ELF2: variants seen among roughly 807,000 people sequenced by gnomAD.
ELF2 encodes the protein E74 like ETS transcription factor 2.
Under a neutral mutation model 54.8 loss-of-function variants are expected in ELF2, and 11 were observed. That is an observed-to-expected ratio of 0.20 (90% confidence interval 0.13 to 0.33). The LOEUF is 0.33. Ranked by LOEUF, ELF2 falls within the 10% of genes least tolerant of loss-of-function variation. The pLI, the probability that ELF2 is intolerant of heterozygous loss-of-function variation, is 1.00. For missense variants in ELF2, 513 were observed against 703.0 expected (o/e 0.73, Z 3.06); for synonymous variants, 203 against 245.1 (o/e 0.83, Z 1.61).
intron 4 of ELF2, among the ~76,000 whole-genome samples, chr4:139,081,212 G>A (rs1731066741): frequency 6.6e-6 from 1 of 152,038 alleles, no homozygotes; most frequent in Non-Finnish European, 1.5e-5. Flanking sequence ...AACATACTTT[G>A]TAAAATGACA....
At chr4:139,171,378 CCATT>C (rs1434116784) in intron 1 of ELF2, among the ~76,000 whole-genome samples, 1 of 151,648 alleles carries the variant, frequency 6.6e-6, no homozygotes. Context: ...TCCAGCCAGC[CCATT>C]TATGCCAAGT....
Position 139,062,505 on chromosome 4 carries a change from T to C in ELF2, c.614-448A>G, listed in dbSNP as rs10006722. Among the ~76,000 whole-genome samples, 481 of 152,342 alleles carry C rather than the reference T, an allele frequency of 3.2e-3. 2 individuals are homozygous for C. Among genetic ancestry groups the C allele is most frequent in the African/African-American group, 0.011 (472 of 41,582 alleles). ...TTTTAAAAAAATGGTATCCCCTATG[T>C]ATGCTTACAGTTATGATGCTAAAAT... On this transcript the variant is annotated intron_variant, in intron 7 of 9. Coordinates refer to ENST00000686138, the MANE Select transcript of ELF2 (RefSeq NM_001331036.3).
intron 4 of ELF2, chr4:139,084,348 C>G (rs969179058): frequency 1.3e-6 from 2 of 1,516,082 alleles, no homozygotes; most frequent in Non-Finnish European, 1.8e-6. Context: ...CTTGCGCGTC[C>G]TCCGACAGGA....
intron 1 of ELF2, among the ~76,000 whole-genome samples, chr4:139,149,232 G>A (rs1187834700): frequency 6.6e-6 from 1 of 152,158 alleles, no homozygotes; most frequent in Non-Finnish European, 1.5e-5. Flanking sequence ...GAAAAAAGAG[G>A]GTTTGCTAAG....
intron 7 of ELF2, among the ~76,000 whole-genome samples, chr4:139,063,249 C>A (rs1420614709): frequency 6.6e-6 from 1 of 152,018 alleles, no homozygotes; most frequent in Non-Finnish European, 1.5e-5. Flanking sequence ...CAGAGTGAAA[C>A]CCTGTCACAG....
intron 4 of ELF2, among the ~76,000 whole-genome samples, chr4:139,091,095 G>A (rs1030829455): frequency 6.6e-5 from 10 of 151,946 alleles, no homozygotes; most frequent in South Asian, 2.1e-4. Context: ...CACCATGCCC[G>A]GCTAATTTTT....
At chr4:139,091,445 T>C (rs1234562845) in intron 4 of ELF2, among the ~76,000 whole-genome samples, 1 of 151,876 alleles carries the variant, frequency 6.6e-6, no homozygotes, top group Non-Finnish European at 1.5e-5. Context: ...CTAAAGAAAC[T>C]AGAAGGAATA....
chr4:139,098,054 A>C (rs1253939245), intron 4 of ELF2, among the ~76,000 whole-genome samples: 2 of 152,240 alleles, frequency 1.3e-5, no homozygotes, highest in Non-Finnish European at 2.9e-5. Context: ...ACATTCCTCT[A>C]TGGAACATGG....
chr4:139,060,238 A>T, intron 9 of ELF2, 86 bp downstream of exon 9: 1 of 1,229,346 alleles, frequency 8.1e-7, no homozygotes, highest in Non-Finnish European at 1.1e-6. Context: ...TAGAACACTA[A>T]TATTAAGCAA....
chr4:139,090,206 C>T (rs1004910559), intron 4 of ELF2, among the ~76,000 whole-genome samples: 9 of 152,178 alleles, frequency 5.9e-5, no homozygotes, highest in African/African-American at 2.2e-4. Flanking sequence ...AGACTATAGG[C>T]ACACACCACC....
At position 139,071,962 on chromosome 4, in the gene ELF2, T is replaced by G; in HGVS notation, c.430A>C (p.Thr144Pro). Residue 144 changes from threonine (T) to proline (P), a missense_variant, in exon 6 of 10, where the codon ACT becomes CCT. Coordinates refer to ENST00000686138, the MANE Select transcript of ELF2 (RefSeq NM_001331036.3). ...AAMRPDVITE[T>P]VVEVSTEESE... ...TCTTCAGTTGACACCTCCACTACAGTTTCTGTAATGACATCTGGCCTCATA... is the reference window on the plus strand; with the variant it reads ...TCTTCAGTTGACACCTCCACTACAGGTTCTGTAATGACATCTGGCCTCATA... 1.2e-6 allele frequency: 2 copies of G among 1,613,948 alleles called. No homozygotes were observed. Among genetic ancestry groups the G allele is most frequent in the Non-Finnish European group, 1.7e-6 (2 of 1,179,922 alleles).
At chr4:139,072,866 G>T (rs1311091286) in intron 5 of ELF2, among the ~76,000 whole-genome samples, 1 of 152,166 alleles carries the variant, frequency 6.6e-6, no homozygotes. Flanking sequence ...GAATCCCAAT[G>T]AGAAGGTGAG....
intron 4 of ELF2, among the ~76,000 whole-genome samples, chr4:139,076,899 T>G (rs1730387930): frequency 6.6e-6 from 1 of 152,230 alleles, no homozygotes; most frequent in Non-Finnish European, 1.5e-5. Context: ...CAGAAATATT[T>G]TATATTTACA....
intron 6 of ELF2, among the ~76,000 whole-genome samples, chr4:139,069,328 T>C (rs761973187): frequency 6.6e-6 from 1 of 152,204 alleles, no homozygotes; most frequent in Non-Finnish European, 1.5e-5. Flanking sequence ...AGATATACTT[T>C]AGAATTCTGG....
intron 4 of ELF2, among the ~76,000 whole-genome samples, chr4:139,119,301 A>G (rs929814509): frequency 1.3e-5 from 2 of 152,164 alleles, no homozygotes; most frequent in Non-Finnish European, 2.9e-5. Context: ...ACCTTTCTTT[A>G]CTAAGCTTTA....
At chr4:139,165,591 A>T (rs1317138681) in intron 1 of ELF2, among the ~76,000 whole-genome samples, 1 of 152,122 alleles carries the variant, frequency 6.6e-6, no homozygotes, top group Non-Finnish European at 1.5e-5. Context: ...TGAATCCCAG[A>T]GGCAGAGGTT....
intron 9 of ELF2, 134 bp downstream of exon 9, chr4:139,060,190 A>T: frequency 1.3e-6 from 1 of 786,946 alleles, no homozygotes; most frequent in Non-Finnish European, 2.0e-6. Context: ...TAATTAAAAC[A>T]TCAAGCACTT....
At chr4:139,072,508 T>C (rs969251341) in intron 5 of ELF2, among the ~76,000 whole-genome samples, 3 of 152,212 alleles carry the variant, frequency 2.0e-5, no homozygotes, top group East Asian at 1.9e-4. Flanking sequence ...TAAGCACCTA[T>C]AGTTCATTTT....
rs181228697 is a variant in ELF2 at position 139,152,749 on chromosome 4, A to G, written c.-251-13252T>C. 2.6e-5 allele frequency among the ~76,000 whole-genome samples: 4 copies of G among 152,180 alleles called. No homozygotes were observed. In the East Asian group the frequency reaches 5.8e-4, roughly 22 times the overall value. On this transcript the variant is annotated intron_variant, in intron 1 of 9. Coordinates refer to ENST00000686138, the MANE Select transcript of ELF2 (RefSeq NM_001331036.3). Reference sequence around the variant, plus strand: ...TGAAATTAAATATTTTTAATAATGAAATCAATGCTTTAAGTACTTCTAATT... The same window carrying G: ...TGAAATTAAATATTTTTAATAATGAGATCAATGCTTTAAGTACTTCTAATT...
Sources: gnomAD v4.1 joint callset for allele counts (sites outside exome capture counted in the v4.1 genomes callset) on GRCh38, gnomAD v4.1.1 for gene constraint, MANE v1.5 for transcripts, NCBI Gene and HGNC (gene_info 2026-07-23, HGNC 2026-07-21) for gene names.